The following SPIDR variants were observed in gnomAD, a reference collection of about 807,000 sequenced individuals.
SPIDR encodes the protein scaffold protein involved in DNA repair.
A neutral mutation model predicts 104.6 loss-of-function variants in SPIDR; 93 were observed. That is an observed-to-expected ratio of 0.89 (90% CI 0.75 to 1.06). The LOEUF is 1.06. Ranked by LOEUF, SPIDR falls within the 50% of genes least tolerant of loss-of-function variation. SPIDR has a pLI of 0.00. For synonymous variants in SPIDR, 431 were observed against 416.9 expected (o/e 1.03, Z -0.41); for missense variants, 1,154 against 1,111.2 (o/e 1.04, Z -0.55).
Position 47,543,520 on chromosome 8 carries a change from A to T in SPIDR, c.1098-52291A>T, listed in dbSNP as rs867205157. Among the ~76,000 whole-genome samples, 8 of 152,214 alleles carry T rather than the reference A, an allele frequency of 5.3e-5. No individual in the cohort carries two copies. In the South Asian group the frequency reaches 1.7e-3, roughly 32 times the overall value. Reference sequence around the variant, plus strand: ...ATGCAGCCTTTGGCAAAAGCTGAGAACAAGCAATTTAAGAGAGGAAAGCCT... The same window carrying T: ...ATGCAGCCTTTGGCAAAAGCTGAGATCAAGCAATTTAAGAGAGGAAAGCCT... On this transcript the variant is annotated intron_variant, in intron 8 of 19. Transcript: ENST00000297423.
At chr8:47,730,006 G>A (rs560003186) in intron 19 of SPIDR, among the ~76,000 whole-genome samples, 5 of 152,076 alleles carry the variant, frequency 3.3e-5, no homozygotes, top group East Asian at 3.9e-4. Flanking sequence ...GGCATGAGCC[G>A]CTGCACCCAG....
chr8:47,333,726 A>C (rs116106783), intron 5 of SPIDR, among the ~76,000 whole-genome samples: 1 of 152,236 alleles, frequency 6.6e-6, no homozygotes, highest in African/African-American at 2.4e-5. Context: ...GGCAGCATAC[A>C]GTAAGTCTGT....
intron 8 of SPIDR, among the ~76,000 whole-genome samples, chr8:47,583,468 T>G (rs542357463): frequency 6.6e-6 from 1 of 152,308 alleles, no homozygotes; most frequent in Non-Finnish European, 1.5e-5. Flanking sequence ...GAATGTTCAG[T>G]CTCAATCTAT....
chr8:47,486,520 A>G (rs1050990973), intron 8 of SPIDR, among the ~76,000 whole-genome samples: 3 of 152,210 alleles, frequency 2.0e-5, no homozygotes, highest in Non-Finnish European at 4.4e-5. Context: ...ATACTCCTCG[A>G]GAAGAGCAAC....
intron 8 of SPIDR, among the ~76,000 whole-genome samples, chr8:47,588,741 T>C (rs1395922789): frequency 1.3e-5 from 2 of 152,228 alleles, no homozygotes; most frequent in Admixed American, 1.3e-4. Flanking sequence ...GTGGAAGTTC[T>C]CTTTCTGATT....
At chr8:47,640,841 CTT>C (rs57405701) in intron 10 of SPIDR, among the ~76,000 whole-genome samples, 41 of 41,296 alleles carry the variant, frequency 9.9e-4, no homozygotes, top group African/African-American at 1.9e-3. Context: ...CCACACCCAG[CTT>C]TTTTTTTTTT....
intron 4 of SPIDR, 140 bp downstream of exon 4, chr8:47,291,277 CT>C: frequency 1.9e-6 from 1 of 534,382 alleles, no homozygotes; most frequent in Non-Finnish European, 3.3e-6. Flanking sequence ...TTGGAAGAAA[CT>C]TACATTCCTT....
At position 47,735,488 on chromosome 8, in the gene SPIDR, G is replaced by T. The variant is rs1181558726; in HGVS notation, c.*38G>T. 2 of 1,613,984 alleles carry T rather than the reference G, an allele frequency of 1.2e-6. No homozygotes were observed. The highest frequency in any genetic ancestry group is 1.7e-5 in the Admixed American group (1 of 59,992). On this transcript the variant is annotated 3_prime_UTR_variant, in exon 20 of 20. Transcript: ENST00000297423. Reference sequence around the variant, plus strand: ...GATCTGTGAACTTTGCAATGTGGCTGCAAGGGTGGTGGTGGTGGTGGTGAT... The same window carrying T: ...GATCTGTGAACTTTGCAATGTGGCTTCAAGGGTGGTGGTGGTGGTGGTGAT...
At chr8:47,514,457 G>A (rs560816877) in intron 8 of SPIDR, among the ~76,000 whole-genome samples, 2 of 152,308 alleles carry the variant, frequency 1.3e-5, no homozygotes, top group East Asian at 1.9e-4. Flanking sequence ...GGAGGGAGGC[G>A]CTGGGAGCCC....
intron 5 of SPIDR, among the ~76,000 whole-genome samples, chr8:47,349,085 GT>G (rs1251050736): frequency 3.3e-5 from 5 of 152,214 alleles, no homozygotes; most frequent in Non-Finnish European, 5.9e-5. Flanking sequence ...CAACTTTGTG[GT>G]TTTATCTACC....
chr8:47,275,278 A>C (rs2036186293), intron 1 of SPIDR, among the ~76,000 whole-genome samples: 1 of 152,104 alleles, frequency 6.6e-6, no homozygotes, highest in Non-Finnish European at 1.5e-5. Flanking sequence ...AGAAAAAAGA[A>C]AATATCCCCC....
intron 11 of SPIDR, among the ~76,000 whole-genome samples, chr8:47,686,074 T>C (rs886800937): frequency 2.0e-5 from 3 of 152,136 alleles, no homozygotes; most frequent in African/African-American, 7.2e-5. Context: ...AAACAAATTA[T>C]GTGAAGTTGT....
At chr8:47,286,316 T>C (rs1350846280) in intron 3 of SPIDR, among the ~76,000 whole-genome samples, 1 of 152,130 alleles carries the variant, frequency 6.6e-6, no homozygotes, top group Non-Finnish European at 1.5e-5. Context: ...GGCATTACAT[T>C]TGGGAAGTCC....
intron 10 of SPIDR, among the ~76,000 whole-genome samples, chr8:47,636,815 CA>C (rs1247296002): frequency 5.4e-3 from 594 of 109,170 alleles, no homozygotes; most frequent in Admixed American, 5.9e-3. Flanking sequence ...GACCCTATCT[CA>C]AAAAAAAAAA....
chr8:47,409,435 G>GT, intron 7 of SPIDR, among the ~76,000 whole-genome samples: 1 of 151,982 alleles, frequency 6.6e-6, no homozygotes, highest in Non-Finnish European at 1.5e-5. Flanking sequence ...TGATTTGGTA[G>GT]TTTTTTCCTG....
rs76945922 is a variant in SPIDR, at chr8:47,266,858, A to G, written c.33+5867A>G. On this transcript the variant is annotated intron_variant, in intron 1 of 19. Coordinates refer to ENST00000297423, the MANE Select transcript of SPIDR (RefSeq NM_001080394.4). ...ATTGTAGAATATTTTCATGACCCCA[A>G]AAAGAAACCCCATAGCTATTACTAG... Among the ~76,000 whole-genome samples the G allele has an allele frequency of 7.6e-3, 1,155 of 152,286 alleles. 13 individuals are homozygous for G. The highest frequency in any genetic ancestry group is 0.026 in the African/African-American group (1,099 of 41,548).
chr8:47,673,692 A>T, intron 10 of SPIDR, 109 bp from the exon 11 acceptor site: 1 of 1,377,860 alleles, frequency 7.3e-7, no homozygotes, highest in Non-Finnish European at 1.0e-6. Context: ...AATTATATTG[A>T]CCAGTCACAG....
At chr8:47,518,532 T>C (rs1010189913) in intron 8 of SPIDR, among the ~76,000 whole-genome samples, 4 of 152,140 alleles carry the variant, frequency 2.6e-5, no homozygotes, top group African/African-American at 9.7e-5. Flanking sequence ...GCTGAAGGCA[T>C]TGGGAAGCAG....
At chr8:47,316,167 G>A (rs2045304320) in intron 5 of SPIDR, among the ~76,000 whole-genome samples, 1 of 152,110 alleles carries the variant, frequency 6.6e-6, no homozygotes, top group South Asian at 2.1e-4. Flanking sequence ...CATAAATGAT[G>A]CTATATTGAA....
Sources: allele counts gnomAD v4.1 joint callset (sites outside exome capture counted in the v4.1 genomes callset), GRCh38; gene constraint gnomAD v4.1.1; transcripts MANE v1.5; gene names NCBI Gene and HGNC (gene_info 2026-07-23, HGNC 2026-07-21).